ESYT2: variants seen among roughly 807,000 people sequenced by gnomAD.
ESYT2 encodes the protein extended synaptotagmin 2, also known as extended synaptotagmin-2.
ESYT2 carries 54 observed loss-of-function variants against 107.2 expected under a neutral mutation model. The ratio of observed to expected loss-of-function variants is 0.50; its 90% CI spans 0.40 to 0.63. The LOEUF (loss-of-function observed/expected upper bound fraction) is 0.63. Ranked by LOEUF, ESYT2 falls within the 30% of genes least tolerant of loss-of-function variation. The pLI is 0.00. For missense variants in ESYT2, 1,020 were observed against 1,094.5 expected, an observed-to-expected ratio of 0.93 and a Z score of 0.96; for synonymous variants, 491 against 434.1, an observed-to-expected ratio of 1.13 and a Z score of -1.63.
rs1266020216 is a variant in ESYT2, at chr7:158,767,741, T to G, written c.837A>C (p.Ile279=). 1.2e-6 allele frequency: 2 copies of G among 1,612,862 alleles called. No individual in the cohort carries two copies. Residue 279 remains isoleucine (I), a synonymous_variant, in exon 8 of 23, where the codon ATA becomes ATC. Transcript: ENST00000275418. ...GLSDTIILDI[I]SNYLVLPNRI... The stretch of plus-strand genomic sequence containing the variant: ...GATTGGGAAGCACCAGATAGTTTGA[T>G]ATTATATCCAAAATGATAGTATCTG...
chr7:158,825,573 A>T (rs752500872), intron 1 of ESYT2, among the ~76,000 whole-genome samples: 2 of 152,254 alleles, frequency 1.3e-5, no homozygotes, highest in Non-Finnish European at 2.9e-5. Context: ...ACATCCTAAT[A>T]GCCTCAATCA....
At chr7:158,738,997 C>T (rs542789759) in intron 19 of ESYT2, 26 bp downstream of exon 19, 14 of 1,606,468 alleles carry the variant, frequency 8.7e-6, no homozygotes, top group South Asian at 3.3e-5. Context: ...AGCACAGCAG[C>T]GGGCGCGTGG....
intron 3 of ESYT2, among the ~76,000 whole-genome samples, chr7:158,795,463 A>G (rs1272295918): frequency 2.6e-5 from 4 of 152,268 alleles, no homozygotes; most frequent in Non-Finnish European, 5.9e-5. Context: ...AACTTAGGGC[A>G]TAACAGGCTA....
In ESYT2 at chr7:158,748,293, T is replaced by C; in HGVS notation, c.1558-13A>G. ...TTTTGTATCGAATCTAGAAGAAATATCCAAATTATTAGCTCTGATATTTTC... is the reference window on the plus strand; with the variant it reads ...TTTTGTATCGAATCTAGAAGAAATACCCAAATTATTAGCTCTGATATTTTC... On this transcript the variant is annotated splice_polypyrimidine_tract_variant and intron_variant, in intron 15 of 22. Transcript: ENST00000275418. The C allele has an allele frequency of 1.9e-6, 3 of 1,598,614 alleles. No individual in the cohort carries two copies. Among genetic ancestry groups the C allele is most frequent in the Non-Finnish European group, 2.6e-6 (3 of 1,166,146 alleles).
In ESYT2 at chr7:158,829,313, G is replaced by T. The variant is rs769540795; in HGVS notation, c.106C>A (p.Leu36Met). 2 of 1,501,748 alleles carry T rather than the reference G, an allele frequency of 1.3e-6. No homozygotes were observed. Among genetic ancestry groups the T allele is most frequent in the South Asian group, 2.5e-5 (2 of 81,188 alleles). The allele number at this position is 1,501,748 out of a possible 1,614,324, so 93.0% of individuals were successfully genotyped here. Residue 36 changes from leucine (L) to methionine (M), a missense_variant, in exon 1 of 23, where the codon CTG (leucine) becomes ATG (methionine). Transcript: ENST00000275418. ...GGVLSVELPG[L>M]LAQLARSFAL... ...AAGCTCCGCGCCAGCTGCGCCAGCA[G>T]CCCGGGCAGCTCCACGCTCAGCACG...
intron 6 of ESYT2, among the ~76,000 whole-genome samples, chr7:158,782,175 G>A (rs1282977306): frequency 2.0e-5 from 3 of 151,958 alleles, no homozygotes; most frequent in Non-Finnish European, 4.4e-5. Flanking sequence ...ACAGTGAGGT[G>A]TGAGTGTGAA....
At chr7:158,781,794 T>C (rs569113327) in intron 6 of ESYT2, among the ~76,000 whole-genome samples, 66 of 150,124 alleles carry the variant, frequency 4.4e-4, no homozygotes, top group South Asian at 2.1e-3. Flanking sequence ...TGTGAACGAG[T>C]GTGAGAACAA....
intron 3 of ESYT2, among the ~76,000 whole-genome samples, chr7:158,794,999 A>G (rs1019938149): frequency 3.3e-5 from 5 of 152,166 alleles, no homozygotes; most frequent in Non-Finnish European, 5.9e-5. Context: ...CACTATTCTA[A>G]TAAGTGAAAA....
At chr7:158,750,143 T>C (rs1477358359) in intron 14 of ESYT2, among the ~76,000 whole-genome samples, 1 of 152,176 alleles carries the variant, frequency 6.6e-6, no homozygotes, top group African/African-American at 2.4e-5. Flanking sequence ...ATAAAAATAG[T>C]ACAGAGTGTC....
chr7:158,739,034 C>A lies in ESYT2; in HGVS notation c.2256G>T (p.Val752=). The change falls in exon 19 of 23, where the codon GTG becomes GTT. Residue 752 remains valine (V), a synonymous_variant. Transcript: ENST00000275418. ...ACCCCAGCCCCCACCTGCAGGCATG[C>A]ACGACCACGATAAGCTTGTTTCTCT... is the stretch of plus-strand genomic sequence containing the variant. The part of the protein sequence containing the change: ...SSQRNKLIVV[V]HACRNLIAFS... 4 of 1,613,956 alleles carry A rather than the reference C, an allele frequency of 2.5e-6. No homozygotes were observed. The highest frequency in any genetic ancestry group is 3.4e-6 in the Non-Finnish European group (4 of 1,179,880).
rs538639696 is a variant in ESYT2, at chr7:158,806,364, A to T, written c.331-7292T>A. ...CTAAGTCACTTGAAATCCAAGTCTTAAATTCCTAAGAGAACGTACCCTGAA... is the reference window on the plus strand; with the variant it reads ...CTAAGTCACTTGAAATCCAAGTCTTTAATTCCTAAGAGAACGTACCCTGAA... On this transcript the variant is annotated intron_variant, in intron 1 of 22. Transcript: ENST00000275418. Among the ~76,000 whole-genome samples the T allele has an allele frequency of 2.5e-3, 375 of 152,344 alleles. 3 individuals carry two copies. The highest frequency in any genetic ancestry group is 8.7e-3 in the African/African-American group (362 of 41,586).
chr7:158,790,409 C>T (rs966115425), intron 4 of ESYT2, among the ~76,000 whole-genome samples: 3 of 152,040 alleles, frequency 2.0e-5, no homozygotes, highest in African/African-American at 7.2e-5. Flanking sequence ...TGAGGCCCCA[C>T]GTGGAGCAGG....
intron 1 of ESYT2, among the ~76,000 whole-genome samples, chr7:158,823,402 C>A (rs1465241285): frequency 6.8e-6 from 1 of 146,852 alleles, no homozygotes; most frequent in Non-Finnish European, 1.5e-5. Flanking sequence ...TCTCGGCTCA[C>A]TGCAAGCTCC....
Position 158,760,080 on chromosome 7 carries a change from G to A in ESYT2, c.1301C>T (p.Pro434Leu). The change falls in exon 12 of 23, where the codon CCA becomes CTA. Residue 434 changes from proline (P) to leucine (L), a missense_variant. By Grantham distance (98) the Pro-to-Leu change is moderately conservative (BLOSUM62 -3). Coordinates refer to ENST00000275418, the MANE Select transcript of ESYT2 (RefSeq NM_001367773.1). ...HLRLEWLTLM[P>L]NASNLDKVLT... ...CACCTTGTCGAGGTTTGACGCATTTGGCATTAACGTGAGCCACTCCAGTCT... is the reference window on the plus strand; with the variant it reads ...CACCTTGTCGAGGTTTGACGCATTTAGCATTAACGTGAGCCACTCCAGTCT... 6.2e-7 allele frequency: 1 copy of A among 1,614,174 alleles called. No homozygotes were observed. Among genetic ancestry groups the A allele is most frequent in the East Asian group, 2.2e-5 (1 of 44,890 alleles).
intron 20 of ESYT2, among the ~76,000 whole-genome samples, chr7:158,736,386 A>C (rs6942535): frequency 0.24 from 36,059 of 152,136 alleles, 5,149 homozygotes; most frequent in East Asian, 0.59. Context: ...TCCCAAAACA[A>C]GGGTGGGTTT....
chr7:158,825,231 T>C (rs1840404866), intron 1 of ESYT2, among the ~76,000 whole-genome samples: 2 of 152,136 alleles, frequency 1.3e-5, no homozygotes, highest in South Asian at 4.1e-4. Flanking sequence ...AGGCAGAGGT[T>C]GCGGTGAGCC....
intron 1 of ESYT2, among the ~76,000 whole-genome samples, chr7:158,817,155 T>C (rs1840168850): frequency 6.6e-6 from 1 of 152,130 alleles, no homozygotes; most frequent in African/African-American, 2.4e-5. Flanking sequence ...AGTTAACCTG[T>C]AAAACTACTT....
At chr7:158,781,617 G>T (rs867971911) in intron 6 of ESYT2, among the ~76,000 whole-genome samples, 2 of 81,078 alleles carry the variant, frequency 2.5e-5, no homozygotes, top group Non-Finnish European at 7.6e-5. Flanking sequence ...AAGTGTGAAT[G>T]AACGAGTGTG....
At chr7:158,810,035 T>G (rs1839951851) in intron 1 of ESYT2, among the ~76,000 whole-genome samples, 1 of 152,236 alleles carries the variant, frequency 6.6e-6, no homozygotes, top group African/African-American at 2.4e-5. Context: ...ACAACAAGTT[T>G]TGATGAAGAC....
Sources: gnomAD v4.1 joint callset for allele counts (sites outside exome capture counted in the v4.1 genomes callset) on GRCh38, gnomAD v4.1.1 for gene constraint, MANE v1.5 for transcripts, NCBI Gene and HGNC (gene_info 2026-07-23, HGNC 2026-07-21) for gene names.